Variants in MYLK observed in about 807,000 individuals in gnomAD.
The protein encoded by MYLK is myosin light chain kinase, also known as myosin light chain kinase, smooth muscle.
MYLK carries 106 observed loss-of-function variants against 203.4 expected under a neutral mutation model. The observed-to-expected ratio is 0.52, with a 90% confidence interval of 0.45 to 0.61. The LOEUF (loss-of-function observed/expected upper bound fraction) is 0.61, where lower values mean the gene tolerates loss of function less well. Ranked by LOEUF, MYLK falls within the 20% of genes least tolerant of loss-of-function variation. The pLI, the probability that MYLK is intolerant of heterozygous loss-of-function variation, is 0.00. For missense variants in MYLK, 2,072 were observed against 2,442.3 expected (o/e 0.85, Z 3.20); for synonymous variants, 867 against 959.5 (o/e 0.90, Z 1.78).
intron 3 of MYLK, among the ~76,000 whole-genome samples, chr3:123,820,632 TTCCTTCCTTCCC>T (rs1258268112): frequency 1.2e-3 from 171 of 141,968 alleles, no homozygotes; most frequent in Middle Eastern, 3.6e-3. Flanking sequence ...CCTTCCTTCC[TTCCTTCCTTCCC>T]TCCTTCCTTC....
Position 123,801,576 on chromosome 3 carries a change from C to A in MYLK, c.-3-7732G>T, listed in dbSNP as rs769424443. 1.2e-4 allele frequency among the ~76,000 whole-genome samples: 19 copies of A among 152,294 alleles called. 1 individual carries two copies. Among genetic ancestry groups the A allele is most frequent in the Middle Eastern group, 3.4e-3 (1 of 294 alleles). On this transcript the variant is annotated intron_variant, in intron 3 of 33. Coordinates refer to ENST00000360304, the MANE Select transcript of MYLK (RefSeq NM_053025.4). ...ATAGTTTTTCAGCCCTTGCTCCCCT[C>A]CCTTTTCCCTCCTCTAGCAATCCCT...
chr3:123,882,785 G>C (rs2033625443), intron 1 of MYLK, among the ~76,000 whole-genome samples: 1 of 152,178 alleles, frequency 6.6e-6, no homozygotes, highest in Admixed American at 6.5e-5. Context: ...AGAAAAAGGG[G>C]TAACCTCACT....
At chr3:123,859,864 T>C (rs1377025405) in intron 2 of MYLK, among the ~76,000 whole-genome samples, 1 of 152,050 alleles carries the variant, frequency 6.6e-6, no homozygotes, top group East Asian at 1.9e-4. Flanking sequence ...GGGGATCAAA[T>C]TGCTGCCAGT....
intron 31 of MYLK, chr3:123,621,744 T>G (rs1297247217): frequency 6.6e-6 from 1 of 152,300 alleles, no homozygotes; most frequent in Non-Finnish European, 1.5e-5. Context: ...TTCACCTTGC[T>G]CTGTCCCCTG....
intron 2 of MYLK, among the ~76,000 whole-genome samples, chr3:123,855,646 AT>A (rs1436957035): frequency 6.6e-6 from 1 of 152,128 alleles, no homozygotes; most frequent in South Asian, 2.1e-4. Flanking sequence ...CCTTAAAAAA[AT>A]AAATACAAGA....
chr3:123,836,712 G>A (rs942339604), intron 2 of MYLK, among the ~76,000 whole-genome samples: 3 of 152,158 alleles, frequency 2.0e-5, no homozygotes, highest in African/African-American at 7.2e-5. Context: ...ACAGAAGGAG[G>A]TAATATGGAA....
Position 123,674,111 on chromosome 3 carries a change from G to A in MYLK, c.3653-6924C>T, listed in dbSNP as rs193170172. 2.0e-5 allele frequency among the ~76,000 whole-genome samples: 3 copies of A among 152,212 alleles called. No homozygotes were observed. In the East Asian group the frequency reaches 5.8e-4, roughly 29 times the overall value. On this transcript the variant is annotated intron_variant, in intron 20 of 33. Coordinates refer to ENST00000360304, the MANE Select transcript of MYLK (RefSeq NM_053025.4). ...CCTGACCATCATCTCCCAGGGAGAT[G>A]CCAAACACGTACTGCCAGCCAAACG...
chr3:123,686,948 G>A (rs937971767), intron 19 of MYLK, among the ~76,000 whole-genome samples: 3 of 152,296 alleles, frequency 2.0e-5, no homozygotes, highest in Admixed American at 6.5e-5. Flanking sequence ...TGGGCCAGGC[G>A]CGGTAGCTCA....
Position 123,642,180 on chromosome 3 carries a change from G to A in MYLK, c.4620-1676C>T, listed in dbSNP as rs368790813. Among the ~76,000 whole-genome samples, 57 of 152,258 alleles carry A rather than the reference G, an allele frequency of 3.7e-4. No individual in the cohort carries two copies. The South Asian group carries it at 5.6e-3, about 15-fold the overall frequency. On this transcript the variant is annotated intron_variant, in intron 27 of 33. Coordinates refer to ENST00000360304, the MANE Select transcript of MYLK (RefSeq NM_053025.4). The surrounding 1 kb of genome is among the most constrained non-coding windows in gnomAD (Gnocchi z 4.2). ...TTCCTCTCCTACAGAGAGTCCTCACGAAGAGGAAAGGAGCTGAGTTTGAAT... is the reference window on the plus strand; with the variant it reads ...TTCCTCTCCTACAGAGAGTCCTCACAAAGAGGAAAGGAGCTGAGTTTGAAT...
chr3:123,684,134 CAT>C (rs1303208196), intron 19 of MYLK, among the ~76,000 whole-genome samples: 1 of 152,184 alleles, frequency 6.6e-6, no homozygotes, highest in Non-Finnish European at 1.5e-5. Flanking sequence ...ATCCTCTGGA[CAT>C]AGTTATTTGT....
At chr3:123,721,018 T>C (rs2062068409) in intron 13 of MYLK, among the ~76,000 whole-genome samples, 1 of 152,216 alleles carries the variant, frequency 6.6e-6, no homozygotes, top group East Asian at 1.9e-4. Context: ...TTACATTCAA[T>C]TCCCGAGACT....
At chr3:123,659,549 C>A in intron 23 of MYLK, 1 of 313,898 alleles carries the variant, frequency 3.2e-6, no homozygotes, top group South Asian at 2.6e-5. Flanking sequence ...AGAAAAGACC[C>A]AAGTCAGAAG....
At chr3:123,797,226 C>T (rs1478407711) in intron 3 of MYLK, among the ~76,000 whole-genome samples, 1 of 152,058 alleles carries the variant, frequency 6.6e-6, no homozygotes. Context: ...AACATTTTGC[C>T]ATATTTATAG....
intron 10 of MYLK, among the ~76,000 whole-genome samples, chr3:123,733,443 C>T (rs1309852868): frequency 6.6e-6 from 1 of 152,110 alleles, no homozygotes; most frequent in African/African-American, 2.4e-5. Context: ...AGAACTAGGG[C>T]CAGGGCCAGT....
chr3:123,877,703 C>T (rs369877386), intron 1 of MYLK, among the ~76,000 whole-genome samples: 3 of 152,216 alleles, frequency 2.0e-5, no homozygotes, highest in Non-Finnish European at 2.9e-5. Context: ...CCTCCAGGCA[C>T]GTTCTAAAGC....
At position 123,612,716 on chromosome 3, in the gene MYLK, G is replaced by A; in HGVS notation, c.*1389C>T. On this transcript the variant is annotated 3_prime_UTR_variant, in exon 34 of 34. Coordinates refer to ENST00000360304, the MANE Select transcript of MYLK (RefSeq NM_053025.4). ...ATATCAAAATTCTAATGTTGATACT[G>A]TGTAGGATTGCACTGAAGTAATTTT... 1 of 152,570 alleles carries A rather than the reference G, an allele frequency of 6.6e-6. No homozygotes were observed. The highest frequency in any genetic ancestry group is 1.5e-5 in the Non-Finnish European group (1 of 68,030). The allele number at this position is 152,570 out of a possible 1,614,324, so 9.5% of individuals were successfully genotyped here.
At chr3:123,798,632 C>T (rs2065075164) in intron 3 of MYLK, among the ~76,000 whole-genome samples, 1 of 152,134 alleles carries the variant, frequency 6.6e-6, no homozygotes, top group East Asian at 1.9e-4. Context: ...AGTCATCCAT[C>T]CCTAGGAGAG....
chr3:123,676,356 G>A (rs756010393), intron 20 of MYLK, among the ~76,000 whole-genome samples: 3 of 152,160 alleles, frequency 2.0e-5, no homozygotes, highest in Non-Finnish European at 2.9e-5. Context: ...TTCACTGTCA[G>A]GCAAGTCTTG....
chr3:123,757,438 C>A (rs1203466194), intron 4 of MYLK, among the ~76,000 whole-genome samples: 2 of 152,122 alleles, frequency 1.3e-5, no homozygotes, highest in Admixed American at 1.3e-4. Flanking sequence ...ACCCACACAG[C>A]TGCAGGGCAC....
Sources: gnomAD v4.1 joint callset for allele counts (sites outside exome capture counted in the v4.1 genomes callset) on GRCh38, gnomAD v4.1.1 for gene constraint, Gnocchi (gnomAD v3.1) non-coding constraint, MANE v1.5 for transcripts, NCBI Gene and HGNC (gene_info 2026-07-23, HGNC 2026-07-21) for gene names.